EPHA2: variants seen among roughly 807,000 people sequenced by gnomAD.
EPHA2 encodes EPH receptor A2, also known as ephrin type-A receptor 2.
In EPHA2, 54 loss-of-function variants were observed where a neutral mutation model predicts 104.9. The ratio of observed to expected loss-of-function variants is 0.51; its 90% CI spans 0.41 to 0.65. EPHA2 has a LOEUF of 0.65. Among genes scored for constraint, EPHA2 ranks in the 30% least tolerant of loss-of-function variants. The probability of loss-of-function intolerance (pLI) is 0.00; values close to 1 mark genes in which losing one functional copy is unlikely to be tolerated. For synonymous variants in EPHA2, 560 were observed against 559.1 expected, an observed-to-expected ratio of 1.00 and a Z score of -0.02; for missense variants, 1,117 against 1,369.5, an observed-to-expected ratio of 0.82 and a Z score of 2.91.
chr1:16,127,358 C>A (rs1302410735), intron 16 of EPHA2, among the ~76,000 whole-genome samples: 2 of 152,160 alleles, frequency 1.3e-5, no homozygotes, highest in Non-Finnish European at 2.9e-5. Flanking sequence ...ACATCCACGC[C>A]TTTCGTCAGC....
rs564492714 is a variant in EPHA2 at position 16,128,229 on chromosome 1, C to T, written c.2825+1205G>A. On this transcript the variant is annotated intron_variant, in intron 16 of 16. Coordinates refer to ENST00000358432, the MANE Select transcript of EPHA2 (RefSeq NM_004431.5). The surrounding 1 kb of genome is among the most constrained non-coding windows in gnomAD (Gnocchi z 4.7). ...GAAGTGGCAGATGCGGGACTTGAAC[C>T]CAGGTATGTGTGCAGAGCCCAAGCC... is the stretch of plus-strand genomic sequence containing the variant. 6.6e-6 allele frequency among the ~76,000 whole-genome samples: 1 copy of T among 152,292 alleles called. No homozygotes were observed. Among genetic ancestry groups the T allele is most frequent in the African/African-American group, 2.4e-5 (1 of 41,564 alleles).
At position 16,131,860 on chromosome 1, in the gene EPHA2, A is replaced by T; in HGVS notation, c.2336T>A (p.Ile779Asn). The T allele has an allele frequency of 6.2e-7, 1 of 1,613,782 alleles. No individual in the cohort carries two copies. Among genetic ancestry groups the T allele is most frequent in the Non-Finnish European group, 8.5e-7 (1 of 1,179,934 alleles). The stretch of plus-strand genomic sequence containing the variant: ...CTCCGGGGCGGTCCAGCGGATGGGG[A>T]TCTTGCCGCCCTGCAGGGAACCCAG... Reference protein sequence around the residue: ...EATYTTSGGKIPIRWTAPEAI... With the variant: ...EATYTTSGGKNPIRWTAPEAI... The change falls in exon 14 of 17, where the codon ATC (isoleucine) becomes AAC (asparagine). Residue 779 changes from isoleucine to asparagine, a missense_variant. Coordinates refer to ENST00000358432, the MANE Select transcript of EPHA2 (RefSeq NM_004431.5). The surrounding 1 kb of genome is among the most constrained non-coding windows in gnomAD (Gnocchi z 5.2).
At chr1:16,129,675 T>C (rs1199113548) in intron 15 of EPHA2, 86 bp from the exon 16 acceptor site, 9 of 1,488,292 alleles carry the variant, frequency 6.0e-6, no homozygotes, top group Non-Finnish European at 7.2e-6. Flanking sequence ...CCTGGATGAT[T>C]GACTCGGCTG....
Position 16,131,696 on chromosome 1 carries a change from G to C in EPHA2, c.2475+25C>G. On this transcript the variant is annotated intron_variant, in intron 14 of 16. Transcript: ENST00000358432. The surrounding 1 kb of genome is among the most constrained non-coding windows in gnomAD (Gnocchi z 5.2). Reference sequence around the variant, plus strand: ...AGGGCTTGAGTTCAGGTCCGGACAGGCCTGGGGAGGGCAAGGGCACCCACC... The same window carrying C: ...AGGGCTTGAGTTCAGGTCCGGACAGCCCTGGGGAGGGCAAGGGCACCCACC... The C allele has an allele frequency of 6.2e-7, 1 of 1,613,710 alleles. No homozygotes were observed. Among genetic ancestry groups the C allele is most frequent in the African/African-American group, 1.3e-5 (1 of 75,052 alleles).
At chr1:16,155,798 G>T in intron 1 of EPHA2, 50 bp downstream of exon 1, 5 of 1,318,548 alleles carry the variant, frequency 3.8e-6, no homozygotes, top group Non-Finnish European at 4.9e-6. Context: ...CCGGGCTCTA[G>T]GGGGCACTGG....
intron 3 of EPHA2, among the ~76,000 whole-genome samples, chr1:16,144,918 C>T (rs986734288): frequency 1.3e-5 from 2 of 152,210 alleles, no homozygotes; most frequent in African/African-American, 4.8e-5. Context: ...GAAAGCCCTG[C>T]TTATGAGATG....
In EPHA2 at chr1:16,148,699, G is replaced by A. The variant is rs201078677; in HGVS notation, c.502C>T (p.Arg168Cys). 4.3e-6 allele frequency: 7 copies of A among 1,612,594 alleles called. No homozygotes were observed. The highest frequency in any genetic ancestry group is 4.5e-5 in the East Asian group (2 of 44,892). The change falls in exon 3 of 17, where the codon CGC (arginine) becomes TGC (cysteine). Residue 168 changes from arginine (R) to cysteine (C), a missense_variant. Arg to Cys is a radical substitution (Grantham distance 180). Around this residue, in one of 3 missense-constraint regions of EPHA2, gnomAD observed 664 missense variants for 784.8 expected, o/e 0.85. Transcript: ENST00000358432. This position sits in a 1 kb window ranked among gnomAD's most constrained non-coding sequence, Gnocchi z 4.9. Reference protein sequence around the residue: ...ARHVKLNVEERSVGPLTRKGF... With the variant: ...ARHVKLNVEECSVGPLTRKGF... ...TTGCGGGTGAGCGGCCCCACGGAGCGCTCCTCCACGTTCAGCTTCACGTGG... is the reference window on the plus strand; with the variant it reads ...TTGCGGGTGAGCGGCCCCACGGAGCACTCCTCCACGTTCAGCTTCACGTGG...
At chr1:16,154,438 A>G (rs1204099551) in intron 1 of EPHA2, among the ~76,000 whole-genome samples, 11 of 151,902 alleles carry the variant, frequency 7.2e-5, no homozygotes, top group Non-Finnish European at 4.4e-5. Flanking sequence ...AAAACCTCCA[A>G]ACCCAGTTTG....
intron 1 of EPHA2, among the ~76,000 whole-genome samples, chr1:16,151,743 G>T (rs1413193636): frequency 6.6e-6 from 1 of 152,170 alleles, no homozygotes; most frequent in African/African-American, 2.4e-5. Context: ...CCTGACCACT[G>T]CCCTGCCAGG....
intron 3 of EPHA2, among the ~76,000 whole-genome samples, chr1:16,140,222 A>T (rs1168125348): frequency 2.0e-5 from 3 of 152,172 alleles, no homozygotes; most frequent in Non-Finnish European, 4.4e-5. Context: ...CAGGGACCAC[A>T]CAAACAGCCG....
In EPHA2 at chr1:16,133,348, T is replaced by C. The variant is rs1480001528; in HGVS notation, c.1885A>G (p.Lys629Glu). The C allele has an allele frequency of 6.2e-7, 1 of 1,613,756 alleles. No individual in the cohort carries two copies. Among genetic ancestry groups the C allele is most frequent in the African/African-American group, 1.3e-5 (1 of 74,878 alleles). Residue 629 changes from lysine to glutamate, a missense_variant, in exon 11 of 17, where the codon AAG (lysine) becomes GAG (glutamate). This residue lies in a region of EPHA2 where 113 missense variants were observed against 104.3 expected (regional missense o/e 1.08). Coordinates refer to ENST00000358432, the MANE Select transcript of EPHA2 (RefSeq NM_004431.5). Reference sequence around the variant, plus strand: ...CCCGAGGATGTCTTCAGCATGCCCTTGTACACCTCCCCAAACTCTCCTGTG... The same window carrying C: ...CCCGAGGATGTCTTCAGCATGCCCTCGTACACCTCCCCAAACTCTCCTGTG... ...IGAGEFGEVY[K>E]GMLKTSSGKK... is the part of the protein sequence containing the mutation.
chr1:16,140,535 A>G (rs779673525), intron 3 of EPHA2, among the ~76,000 whole-genome samples: 1 of 152,236 alleles, frequency 6.6e-6, no homozygotes, highest in Non-Finnish European at 1.5e-5. Flanking sequence ...GTCCAAGGTC[A>G]CCAAGCTCCC....
chr1:16,154,328 G>A (rs1420309879), intron 1 of EPHA2, among the ~76,000 whole-genome samples: 1 of 152,220 alleles, frequency 6.6e-6, no homozygotes. Flanking sequence ...CCCAACCCGG[G>A]CCCTGTCACT....
Position 16,155,772 on chromosome 1 carries a change from C to T in EPHA2, c.85+76G>A, listed in dbSNP as rs953847301. 11 of 1,189,094 alleles carry T rather than the reference C, an allele frequency of 9.3e-6. No homozygotes were observed. The Admixed American group carries it at 2.9e-4, about 32-fold the overall frequency. The allele number at this position is 1,189,094 out of a possible 1,614,324, so 73.7% of individuals were successfully genotyped here. On this transcript the variant is annotated intron_variant, in intron 1 of 16. Transcript: ENST00000358432. ...CGACACCAGGTAGGTTCCAAAGTTG[C>T]GCGCGTCAAGGAGCGCCGGGCTCTA...
chr1:16,130,121 G>A lies in EPHA2; in HGVS notation c.2669+105C>T. 6.7e-7 allele frequency: 1 copy of A among 1,495,254 alleles called. No individual in the cohort carries two copies. The highest frequency in any genetic ancestry group is 1.2e-5 in the South Asian group (1 of 85,868). 92.6% of individuals were successfully genotyped at this position (1,495,254 alleles called of 1,614,324 possible). ...TCCACACATAACCTCTTAGCCCCCA[G>A]CACCCCCCCTACCAGCTTCACCTGG... is the stretch of plus-strand genomic sequence containing the variant. On this transcript the variant is annotated intron_variant, in intron 15 of 16. Coordinates refer to ENST00000358432, the MANE Select transcript of EPHA2 (RefSeq NM_004431.5). The surrounding 1 kb of genome is among the most constrained non-coding windows in gnomAD (Gnocchi z 4.5).
rs116506614 is a variant in EPHA2, at chr1:16,132,227, C to T, written c.2162G>A (p.Arg721Gln). 1.2e-3 allele frequency: 1,935 copies of T among 1,614,162 alleles called. No individual in the cohort carries two copies. The highest frequency in any genetic ancestry group is 1.5e-3 in the Non-Finnish European group (1,751 of 1,180,026). Residue 721 changes from arginine (R) to glutamine (Q), a missense_variant, in exon 13 of 17, where the codon CGG becomes CAG. Transcript: ENST00000358432. ...FSVLQLVGML[R>Q]GIAAGMKYLA... The stretch of plus-strand genomic sequence containing the variant: ...GTACTTCATGCCAGCTGCGATGCCC[C>T]GCAGCATGCCCACCAGCTGCAGCAC...
chr1:16,154,756 C>A (rs1248218450), intron 1 of EPHA2, among the ~76,000 whole-genome samples: 49 of 66,862 alleles, frequency 7.3e-4, no homozygotes, highest in East Asian at 2.7e-3. Context: ...AACTCCGTCT[C>A]AAAAAAAAAA....
chr1:16,151,016 A>G, intron 1 of EPHA2, 53 bp from the exon 2 acceptor site: 1 of 1,588,350 alleles, frequency 6.3e-7, no homozygotes, highest in Non-Finnish European at 8.6e-7. Context: ...CAGGAGTCAG[A>G]CCATGGCAGG....
Position 16,148,485 on chromosome 1 carries a change from C to A in EPHA2, c.716G>T (p.Gly239Val). Residue 239 changes from glycine (G) to valine (V), a missense_variant, in exon 3 of 17, where the codon GGG becomes GTG. Transcript: ENST00000358432. This position sits in a 1 kb window ranked among gnomAD's most constrained non-coding sequence, Gnocchi z 4.9. ...TCVDHAVVPP[G>V]GEEPRMHCAV... The stretch of plus-strand genomic sequence containing the variant: ...ACAGTGCATACGGGGCTCTTCACCC[C>A]CCGGTGGCACCACGGCATGGTCCAC... 6.2e-7 allele frequency: 1 copy of A among 1,613,870 alleles called. No homozygotes were observed. Among genetic ancestry groups the A allele is most frequent in the South Asian group, 1.1e-5 (1 of 91,092 alleles).
Sources: allele counts gnomAD v4.1 joint callset (sites outside exome capture counted in the v4.1 genomes callset), GRCh38; gene constraint gnomAD v4.1.1; regional missense constraint gnomAD v4.1.1; non-coding constraint Gnocchi (gnomAD v3.1); transcripts MANE v1.5; gene names NCBI Gene and HGNC (gene_info 2026-07-23, HGNC 2026-07-21).